NOL4: variants seen among roughly 807,000 people sequenced by gnomAD.
NOL4 encodes cancer/testis antigen 125.
NOL4 carries 17 observed loss-of-function variants against 75.9 expected under a neutral mutation model. The observed-to-expected ratio is 0.22, with a 90% CI of 0.15 to 0.34. NOL4 has a LOEUF of 0.34. NOL4 is among the 10% of genes least tolerant of loss of function. NOL4 has a pLI of 1.00. For missense variants in NOL4, 614 were observed against 793.5 expected (o/e 0.77, Z 2.72); for synonymous variants, 292 against 289.9 (o/e 1.01, Z -0.07).
chr18:34,031,138 G>A (rs1410585719), intron 5 of NOL4, among the ~76,000 whole-genome samples: 1 of 152,098 alleles, frequency 6.6e-6, no homozygotes, highest in African/African-American at 2.4e-5. Flanking sequence ...CAAAATCACT[G>A]GAGAATTGTT....
intron 5 of NOL4, chr18:34,023,418 A>C: frequency 2.2e-6 from 1 of 456,168 alleles, no homozygotes; most frequent in South Asian, 1.5e-5. Flanking sequence ...CATCACTTTA[A>C]AGGGGTAATC....
chr18:34,161,167 G>A (rs376040986), intron 1 of NOL4, among the ~76,000 whole-genome samples: 2 of 152,068 alleles, frequency 1.3e-5, no homozygotes, highest in African/African-American at 4.8e-5. Context: ...TTTTATGGCT[G>A]ACTAGCATTC....
At chr18:34,207,234 T>C (rs976647769) in intron 1 of NOL4, among the ~76,000 whole-genome samples, 1 of 152,204 alleles carries the variant, frequency 6.6e-6, no homozygotes, top group East Asian at 1.9e-4. Flanking sequence ...TTTGTTCCCT[T>C]TTCATTGTTT....
chr18:34,193,587 G>A (rs985075945), intron 1 of NOL4, among the ~76,000 whole-genome samples: 1 of 140,838 alleles, frequency 7.1e-6, no homozygotes, highest in Non-Finnish European at 1.6e-5. Context: ...AAATATAAAA[G>A]TCTTTTGAGA....
chr18:34,123,532 CATATATAT>C (rs34954122), intron 2 of NOL4, among the ~76,000 whole-genome samples: 1,338 of 129,330 alleles, frequency 0.01, 23 homozygotes, highest in African/African-American at 0.034. Context: ...ATGTGATAAC[CATATATAT>C]ATATATATAT....
intron 10 of NOL4, among the ~76,000 whole-genome samples, chr18:33,873,079 A>G (rs1389997787): frequency 3.9e-5 from 6 of 152,012 alleles, no homozygotes; most frequent in African/African-American, 1.4e-4. Flanking sequence ...GTTTACTTCA[A>G]TTAGATCACA....
chr18:33,856,057 T>C (rs144197817), intron 10 of NOL4, among the ~76,000 whole-genome samples: 1 of 152,168 alleles, frequency 6.6e-6, no homozygotes, highest in East Asian at 1.9e-4. Flanking sequence ...AAGGTAAGAA[T>C]GCAAGGCCCA....
chr18:34,030,693 A>G (rs2075596035), intron 5 of NOL4, among the ~76,000 whole-genome samples: 1 of 152,194 alleles, frequency 6.6e-6, no homozygotes, highest in Admixed American at 6.5e-5. Flanking sequence ...GTTTCAAATA[A>G]TAGCTAGAAG....
chr18:34,059,527 T>C (rs1175718641), intron 5 of NOL4, among the ~76,000 whole-genome samples: 1 of 152,170 alleles, frequency 6.6e-6, no homozygotes, highest in Non-Finnish European at 1.5e-5. Flanking sequence ...ATTATCTTCT[T>C]CAGGGTTTCC....
intron 5 of NOL4, among the ~76,000 whole-genome samples, chr18:34,091,640 A>T (rs2078528749): frequency 6.6e-6 from 1 of 152,292 alleles, no homozygotes; most frequent in Non-Finnish European, 1.5e-5. Context: ...GCAGAAACGG[A>T]AAAAGACATA....
chr18:34,210,436 T>C (rs2036436608), intron 1 of NOL4, among the ~76,000 whole-genome samples: 1 of 152,220 alleles, frequency 6.6e-6, no homozygotes, highest in Admixed American at 6.5e-5. Flanking sequence ...GTTTATGATA[T>C]ATTTAAATCA....
At chr18:34,027,343 G>A (rs151121396) in intron 5 of NOL4, among the ~76,000 whole-genome samples, 1 of 152,122 alleles carries the variant, frequency 6.6e-6, no homozygotes, top group African/African-American at 2.4e-5. Flanking sequence ...TAAATATCCT[G>A]GGAATTATCA....
chr18:34,025,476 G>T (rs547954199), intron 5 of NOL4, among the ~76,000 whole-genome samples: 1 of 152,292 alleles, frequency 6.6e-6, no homozygotes, highest in African/African-American at 2.4e-5. Flanking sequence ...AGCAGGTAAA[G>T]AGTATCACCC....
chr18:34,049,181 T>G (rs1244289242), intron 5 of NOL4, among the ~76,000 whole-genome samples: 1 of 150,456 alleles, frequency 6.6e-6, no homozygotes, highest in Non-Finnish European at 1.5e-5. Context: ...GGGGGAGGGG[T>G]ATGCTAACAA....
At chr18:34,131,198 C>A (rs1460757579) in intron 1 of NOL4, among the ~76,000 whole-genome samples, 1 of 151,934 alleles carries the variant, frequency 6.6e-6, no homozygotes, top group Non-Finnish European at 1.5e-5. Flanking sequence ...TGAGCAAAAT[C>A]ATTATGCAGT....
chr18:34,155,845 A>C (rs145301570), intron 1 of NOL4, among the ~76,000 whole-genome samples: 262 of 152,258 alleles, frequency 1.7e-3, no homozygotes, highest in African/African-American at 6.1e-3. Context: ...GCTTAAAGGT[A>C]TTCTATTATT....
intron 2 of NOL4, among the ~76,000 whole-genome samples, chr18:34,111,205 G>A (rs989011441): frequency 2.0e-5 from 3 of 152,120 alleles, no homozygotes; most frequent in Admixed American, 6.5e-5. Context: ...CACATAGAAT[G>A]TGACAACCCA....
intron 10 of NOL4, among the ~76,000 whole-genome samples, chr18:33,876,302 T>C (rs1004452300): frequency 6.6e-6 from 1 of 152,050 alleles, no homozygotes; most frequent in African/African-American, 2.4e-5. Context: ...CCTAATTCTA[T>C]TGCCAACCTG....
At chr18:34,187,439 G>C (rs938960084) in intron 1 of NOL4, among the ~76,000 whole-genome samples, 2 of 137,398 alleles carry the variant, frequency 1.5e-5, no homozygotes, top group Non-Finnish European at 3.0e-5. Flanking sequence ...GTGCAGTGGC[G>C]CATCTCCACT....
Sources: gnomAD v4.1 joint callset for allele counts (sites outside exome capture counted in the v4.1 genomes callset) on GRCh38, gnomAD v4.1.1 for gene constraint, MANE v1.5 for transcripts, NCBI Gene and HGNC (gene_info 2026-07-23, HGNC 2026-07-21) for gene names.